The following HS3ST4 variants were observed in gnomAD, a reference collection of about 807,000 sequenced individuals.
HS3ST4 encodes heparan sulfate glucosamine 3-O-sulfotransferase 4.
Under a neutral mutation model 29.2 loss-of-function variants are expected in HS3ST4, and 17 were observed. The ratio of observed to expected loss-of-function variants is 0.58; its 90% CI spans 0.40 to 0.87. HS3ST4 has a LOEUF of 0.87. HS3ST4 is among the 40% of genes least tolerant of loss of function. The pLI is 0.00. For missense variants in HS3ST4, 627 were observed against 634.5 expected, an observed-to-expected ratio of 0.99 and a Z score of 0.13; for synonymous variants, 314 against 285.7, an observed-to-expected ratio of 1.10 and a Z score of -1.00.
intron 1 of HS3ST4, among the ~76,000 whole-genome samples, chr16:25,728,537 C>A (rs527291595): frequency 6.6e-6 from 1 of 152,158 alleles, no homozygotes; most frequent in Admixed American, 6.5e-5. Context: ...AACTGATAAC[C>A]GTTTATGATG....
chr16:25,746,573 AC>A (rs1966686962), intron 1 of HS3ST4, among the ~76,000 whole-genome samples: 1 of 147,606 alleles, frequency 6.8e-6, no homozygotes, highest in Non-Finnish European at 1.5e-5. Context: ...TTTTTTTTAG[AC>A]GGAGTCTCAC....
At position 26,021,229 on chromosome 16, in the gene HS3ST4, C is replaced by G. The variant is rs116693411; in HGVS notation, c.735-114383C>G. Among the ~76,000 whole-genome samples the G allele has an allele frequency of 9.9e-3, 1,501 of 152,258 alleles. 20 individuals are homozygous for G. The highest frequency in any genetic ancestry group is 0.034 in the African/African-American group (1,426 of 41,548). ...TGATTTTTAAAAAGGAGTTTGTTGTCAATTTTTATATATGGGCGATTTTAC... is the reference window on the plus strand; with the variant it reads ...TGATTTTTAAAAAGGAGTTTGTTGTGAATTTTTATATATGGGCGATTTTAC... On this transcript the variant is annotated intron_variant, in intron 1 of 1. Coordinates refer to ENST00000331351, the MANE Select transcript of HS3ST4 (RefSeq NM_006040.3).
At chr16:26,106,623 T>C (rs1488828982) in intron 1 of HS3ST4, among the ~76,000 whole-genome samples, 3 of 152,138 alleles carry the variant, frequency 2.0e-5, no homozygotes, top group Non-Finnish European at 4.4e-5. Flanking sequence ...CCACATACCT[T>C]TGGGCAGTTT....
At chr16:25,706,026 A>G (rs1966373556) in intron 1 of HS3ST4, among the ~76,000 whole-genome samples, 1 of 152,258 alleles carries the variant, frequency 6.6e-6, no homozygotes, top group South Asian at 2.1e-4. Flanking sequence ...AAGTTAGATT[A>G]AGAGGTTTAA....
chr16:25,760,372 T>C (rs1390003734), intron 1 of HS3ST4, among the ~76,000 whole-genome samples: 5 of 152,106 alleles, frequency 3.3e-5, no homozygotes, highest in Admixed American at 6.6e-5. Context: ...TAATCCCTTT[T>C]GTTATAAGAA....
intron 1 of HS3ST4, among the ~76,000 whole-genome samples, chr16:26,077,619 T>C (rs533401787): frequency 6.6e-6 from 1 of 152,384 alleles, no homozygotes; most frequent in South Asian, 2.1e-4. Flanking sequence ...AGGAACTTCA[T>C]TGGTTTGTTC....
intron 1 of HS3ST4, among the ~76,000 whole-genome samples, chr16:25,996,668 A>T (rs1969161543): frequency 6.6e-6 from 1 of 152,112 alleles, no homozygotes; most frequent in Non-Finnish European, 1.5e-5. Flanking sequence ...TGGTAATTTC[A>T]TAGTATGTTT....
chr16:25,788,592 G>A (rs1966861678), intron 1 of HS3ST4, among the ~76,000 whole-genome samples: 1 of 137,490 alleles, frequency 7.3e-6, no homozygotes, highest in African/African-American at 2.7e-5. Flanking sequence ...CCGGGCTGGA[G>A]TGCAGTGGCA....
intron 1 of HS3ST4, among the ~76,000 whole-genome samples, chr16:25,794,961 T>C (rs1343418991): frequency 6.6e-6 from 1 of 150,570 alleles, no homozygotes; most frequent in African/African-American, 2.4e-5. Context: ...AATTTTCATC[T>C]TTTTTTCTTT....
intron 1 of HS3ST4, among the ~76,000 whole-genome samples, chr16:25,936,032 A>G (rs568921870): frequency 1.3e-4 from 20 of 152,274 alleles, no homozygotes; most frequent in African/African-American, 4.3e-4. Context: ...TTGGCCTCCA[A>G]AAGTGCTGGG....
At chr16:25,877,491 C>T (rs1054601917) in intron 1 of HS3ST4, among the ~76,000 whole-genome samples, 2 of 152,256 alleles carry the variant, frequency 1.3e-5, no homozygotes, top group East Asian at 1.9e-4. Flanking sequence ...TCTCCATTAC[C>T]TCTCTGGTTA....
At chr16:25,902,821 G>T (rs969727911) in intron 1 of HS3ST4, among the ~76,000 whole-genome samples, 1 of 151,770 alleles carries the variant, frequency 6.6e-6, no homozygotes, top group Non-Finnish European at 1.5e-5. Context: ...CGGATGCCTG[G>T]GTGCAGTGGC....
At chr16:25,777,217 A>G (rs981258649) in intron 1 of HS3ST4, among the ~76,000 whole-genome samples, 1 of 152,188 alleles carries the variant, frequency 6.6e-6, no homozygotes, top group Non-Finnish European at 1.5e-5. Context: ...TAGAATTAAC[A>G]TTGCCTATCC....
chr16:25,882,934 ACTGCTCT>A, intron 1 of HS3ST4, among the ~76,000 whole-genome samples: 7 of 152,096 alleles, frequency 4.6e-5, no homozygotes, highest in African/African-American at 1.7e-4. Context: ...TTCCTGTTCT[ACTGCTCT>A]GACCTCTGGG....
chr16:25,694,673 C>T (rs965081906), intron 1 of HS3ST4, among the ~76,000 whole-genome samples: 1 of 151,896 alleles, frequency 6.6e-6, no homozygotes, highest in Non-Finnish European at 1.5e-5. Flanking sequence ...AGAAGGGGCA[C>T]GATGTCTGGG....
chr16:25,816,967 C>T (rs1050649972), intron 1 of HS3ST4, among the ~76,000 whole-genome samples: 1 of 152,116 alleles, frequency 6.6e-6, no homozygotes, highest in African/African-American at 2.4e-5. Context: ...AGGGCAGAGC[C>T]TTTATTATCC....
At chr16:26,080,331 G>T (rs959342076) in intron 1 of HS3ST4, among the ~76,000 whole-genome samples, 3 of 152,060 alleles carry the variant, frequency 2.0e-5, no homozygotes, top group African/African-American at 7.2e-5. Flanking sequence ...TTCATTACCT[G>T]CCCATTTGTG....
At chr16:26,002,941 ATTT>A (rs138032844) in intron 1 of HS3ST4, among the ~76,000 whole-genome samples, 18,132 of 138,854 alleles carry the variant, frequency 0.13, 1,180 homozygotes, top group Admixed American at 0.19. Context: ...GCATTCTTAC[ATTT>A]TTTTTTTTTT....
chr16:25,819,541 G>C (rs182647737), intron 1 of HS3ST4, among the ~76,000 whole-genome samples: 10 of 152,248 alleles, frequency 6.6e-5, no homozygotes, highest in Admixed American at 5.2e-4. Context: ...TCTGTTTTGC[G>C]CTGGTGGTTC....
Sources: gnomAD v4.1 joint callset for allele counts (sites outside exome capture counted in the v4.1 genomes callset) on GRCh38, gnomAD v4.1.1 for gene constraint, MANE v1.5 for transcripts, NCBI Gene and HGNC (gene_info 2026-07-23, HGNC 2026-07-21) for gene names.